Variants in COL6A5 observed in about 807,000 individuals in gnomAD.
The protein encoded by COL6A5 is collagen type VI alpha 5 chain.
COL6A5 carries 48 observed loss-of-function variants against 65.6 expected under a neutral mutation model. That is an observed-to-expected ratio of 0.73 (90% CI 0.58 to 0.93). The LOEUF (loss-of-function observed/expected upper bound fraction) is 0.93. Ranked by LOEUF, COL6A5 falls within the 40% of genes least tolerant of loss-of-function variation. COL6A5 has a pLI of 0.00. For synonymous variants in COL6A5, 291 were observed against 322.8 expected (o/e 0.90, Z 1.05); for missense variants, 914 against 928.3 (o/e 0.98, Z 0.20).
chr3:130,349,711 G>A (rs1934631401), intron 1 of COL6A5, among the ~76,000 whole-genome samples: 1 of 152,114 alleles, frequency 6.6e-6, no homozygotes, highest in Non-Finnish European at 1.5e-5. Context: ...CTTTAAATGT[G>A]TATTCTTGTG....
At chr3:130,351,749 C>T (rs559085551) in intron 1 of COL6A5, among the ~76,000 whole-genome samples, 29 of 152,288 alleles carry the variant, frequency 1.9e-4, no homozygotes, top group Admixed American at 1.5e-3. Context: ...GACAGTATGG[C>T]AATTCCTCAA....
chr3:130,394,341 A>G (rs1936512083), intron 7 of COL6A5, among the ~76,000 whole-genome samples: 1 of 152,218 alleles, frequency 6.6e-6, no homozygotes, highest in Admixed American at 6.5e-5. Flanking sequence ...TAGGCGAGTC[A>G]CTTAGCCTCT....
chr3:130,351,841 T>C (rs1329093059), intron 1 of COL6A5, among the ~76,000 whole-genome samples: 5 of 152,170 alleles, frequency 3.3e-5, no homozygotes, highest in Admixed American at 2.0e-4. Context: ...CATTCTACTA[T>C]AAAGACACAT....
chr3:130,352,710 T>G (rs1380210153), intron 1 of COL6A5, among the ~76,000 whole-genome samples: 1 of 152,120 alleles, frequency 6.6e-6, no homozygotes, highest in East Asian at 1.9e-4. Flanking sequence ...GGGGGCAAGT[T>G]GTAGAAGAAA....
chr3:130,469,029 C>A, exon 6 of COL6A5: 1 of 1,612,876 alleles, frequency 6.2e-7, no homozygotes, highest in African/African-American at 1.3e-5. Context: ...CTGAGCTACT[C>A]TCCTCCAGGC....
At chr3:130,405,241 A>G (rs980034215) in intron 13 of COL6A5, among the ~76,000 whole-genome samples, 4 of 152,188 alleles carry the variant, frequency 2.6e-5, no homozygotes, top group Non-Finnish European at 5.9e-5. Flanking sequence ...CTCTCCCAGT[A>G]TAGCATTAGG....
At chr3:130,423,798 C>T (rs2107686783) in intron 28 of COL6A5, 40 bp from the exon 29 acceptor site, 2 of 1,446,772 alleles carry the variant, frequency 1.4e-6, no homozygotes, top group Non-Finnish European at 1.9e-6. Flanking sequence ...CATAGATAGA[C>T]AGTGTTGAAA....
chr3:130,398,685 T>C (rs1211882049), intron 10 of COL6A5, among the ~76,000 whole-genome samples: 2 of 152,086 alleles, frequency 1.3e-5, no homozygotes, highest in Non-Finnish European at 2.9e-5. Context: ...GTGCTTGGAA[T>C]GGGTGTGGGG....
At chr3:130,365,569 G>C (rs930714696) in intron 1 of COL6A5, among the ~76,000 whole-genome samples, 3 of 152,150 alleles carry the variant, frequency 2.0e-5, no homozygotes, top group Non-Finnish European at 4.4e-5. Context: ...GAGCCACCGC[G>C]CCTGGCCTAA....
At chr3:130,432,041 T>A in intron 1 of COL6A5, 92 bp downstream of exon 33, 2 of 1,330,416 alleles carry the variant, frequency 1.5e-6, no homozygotes, top group Non-Finnish European at 2.0e-6. Context: ...TCAAGAAATA[T>A]ATGTGGCCTC....
chr3:130,440,865 C>T, intron 3 of COL6A5, 40 bp downstream of exon 35: 1 of 1,473,038 alleles, frequency 6.8e-7, no homozygotes, highest in African/African-American at 1.4e-5. Context: ...TTTTAATAAG[C>T]TAGTGTTTGT....
intron 1 of COL6A5, among the ~76,000 whole-genome samples, chr3:130,370,064 A>G (rs967120536): frequency 7.9e-5 from 12 of 152,152 alleles, no homozygotes; most frequent in Admixed American, 3.9e-4. Flanking sequence ...AAAATGGCCA[A>G]TTAATTCCTT....
exon 4 of COL6A5, chr3:130,379,479 G>A (rs1393039190): frequency 6.4e-7 from 1 of 1,551,164 alleles, no homozygotes; most frequent in Non-Finnish European, 8.7e-7. Flanking sequence ...TGGTGGATGA[G>A]TCACTTGGGA....
At chr3:130,372,947 T>A (rs1935621805) in intron 1 of COL6A5, among the ~76,000 whole-genome samples, 1 of 152,178 alleles carries the variant, frequency 6.6e-6, no homozygotes, top group African/African-American at 2.4e-5. Context: ...AAACTCTGAT[T>A]TGGTTAAATT....
At chr3:130,468,942 T>G in exon 6 of COL6A5, 1 of 1,612,624 alleles carries the variant, frequency 6.2e-7, no homozygotes, top group Non-Finnish European at 8.5e-7. Flanking sequence ...GTAAAAGCTT[T>G]TATAACCTCA....
chr3:130,403,804 T>A (rs1391050107), intron 13 of COL6A5, 142 bp downstream of exon 13: 1 of 527,358 alleles, frequency 1.9e-6, no homozygotes, highest in Non-Finnish European at 3.2e-6. Flanking sequence ...TTTGTTTATA[T>A]GTTTATTTTT....
chr3:130,371,663 T>C (rs1198291786), intron 1 of COL6A5, among the ~76,000 whole-genome samples: 2 of 152,080 alleles, frequency 1.3e-5, no homozygotes, highest in Non-Finnish European at 2.9e-5. Context: ...CCTCACCCCA[T>C]ACACAAAACA....
chr3:130,410,427 A>G (rs1439649338), intron 19 of COL6A5, 44 bp from the exon 20 acceptor site: 3 of 1,444,852 alleles, frequency 2.1e-6, no homozygotes, highest in Non-Finnish European at 2.9e-6. Flanking sequence ...TGATTTATTC[A>G]GAATTTTTTC....
intron 28 of COL6A5, 42 bp from the exon 29 acceptor site, chr3:130,423,796 G>T: frequency 1.4e-6 from 2 of 1,440,430 alleles, no homozygotes; most frequent in South Asian, 1.2e-5. Context: ...CCCATAGATA[G>T]ACAGTGTTGA....
Sources: allele counts gnomAD v4.1 joint callset (sites outside exome capture counted in the v4.1 genomes callset), GRCh38; gene constraint gnomAD v4.1.1; transcripts MANE v1.5; gene names NCBI Gene and HGNC (gene_info 2026-07-23, HGNC 2026-07-21).